The following ZNF85 variants were observed in gnomAD, a reference collection of about 807,000 sequenced individuals.
ZNF85 encodes zinc finger protein 85 (HPF4, HTF1).
ZNF85 carries 50 observed loss-of-function variants against 53.9 expected under a neutral mutation model. That is an observed-to-expected ratio of 0.93 (90% CI 0.74 to 1.17). The LOEUF (loss-of-function observed/expected upper bound fraction) is 1.17. Among genes scored for constraint, ZNF85 ranks in the 50% most tolerant of loss-of-function variants. The probability of loss-of-function intolerance (pLI) is 0.00; values close to 1 mark genes in which losing one functional copy is unlikely to be tolerated. For synonymous variants in ZNF85, 225 were observed against 226.1 expected (o/e 1.00, Z 0.04); for missense variants, 747 against 688.5 (o/e 1.08, Z -0.95).
Position 20,949,227 on chromosome 19 carries a change from C to G in ZNF85, c.713C>G (p.Ala238Gly). The G allele has an allele frequency of 6.2e-7, 1 of 1,613,114 alleles. No individual in the cohort carries two copies. The highest frequency in any genetic ancestry group is 8.5e-7 in the Non-Finnish European group (1 of 1,179,698). The change falls in exon 4 of 4, where the codon GCC (alanine) becomes GGC (glycine). Residue 238 changes from alanine (A) to glycine (G), a missense_variant. Coordinates refer to ENST00000328178, the MANE Select transcript of ZNF85 (RefSeq NM_003429.5). ...KPYKCEECGK[A>G]FNQSSNLIKH... ...TACAAATGTGAAGAATGTGGTAAAG[C>G]CTTTAACCAGTCCTCAAACCTTATT...
rs374939504 is a variant in ZNF85, at chr19:20,929,387, C to T, written c.4-4637C>T. The stretch of plus-strand genomic sequence containing the variant: ...TATTTTTAGTAGAGACAGGGCTTCA[C>T]CATCTTGGCCAGGTTGGTCTCAAAC... On this transcript the variant is annotated intron_variant, in intron 1 of 3. Coordinates refer to ENST00000328178, the MANE Select transcript of ZNF85 (RefSeq NM_003429.5). 2.0e-4 allele frequency among the ~76,000 whole-genome samples: 31 copies of T among 152,184 alleles called. 1 individual carries two copies. In the South Asian group the frequency reaches 6.4e-3, roughly 32 times the overall value.
At chr19:20,923,803 C>T (rs958628503) in intron 1 of ZNF85, among the ~76,000 whole-genome samples, 1 of 152,036 alleles carries the variant, frequency 6.6e-6, no homozygotes, top group African/African-American at 2.4e-5. Context: ...TATGGGGGGA[C>T]GGGCGTGGTG....
intron 3 of ZNF85, among the ~76,000 whole-genome samples, chr19:20,939,632 G>T (rs1973245916): frequency 2.0e-5 from 3 of 152,122 alleles, no homozygotes; most frequent in Non-Finnish European, 4.4e-5. Context: ...TTGCAATTCT[G>T]TATGTACACG....
chr19:20,941,224 T>G lies in ZNF85; in HGVS notation c.229+6177T>G, dbSNP rs1045788464. The stretch of plus-strand genomic sequence containing the variant: ...AGTGATTTTGTTTTTCATTGTTATT[T>G]TTATGCATTTCTCTACAAATTAGTA... On this transcript the variant is annotated intron_variant, in intron 3 of 3. Transcript: ENST00000328178. Among the ~76,000 whole-genome samples, 53 of 152,176 alleles carry G rather than the reference T, an allele frequency of 3.5e-4. 1 individual carries two copies. Among genetic ancestry groups the G allele is most frequent in the African/African-American group, 1.1e-3 (44 of 41,428 alleles).
chr19:20,943,025 C>A, intron 3 of ZNF85: 1 of 493,980 alleles, frequency 2.0e-6, no homozygotes, highest in Non-Finnish European at 3.5e-6. Context: ...ATCCTCCTAC[C>A]TTGGTCTCCC....
intron 3 of ZNF85, chr19:20,944,383 C>T (rs556923294): frequency 4.6e-5 from 7 of 151,472 alleles, no homozygotes; most frequent in Admixed American, 4.6e-4. Flanking sequence ...TTTTGTAGGA[C>T]TGTGGTAGGG....
At chr19:20,935,648 T>A (rs937310405) in intron 3 of ZNF85, among the ~76,000 whole-genome samples, 5 of 151,978 alleles carry the variant, frequency 3.3e-5, no homozygotes, top group Non-Finnish European at 7.4e-5. Context: ...CTGTAAAAGA[T>A]GCCACTAGAA....
chr19:20,937,376 T>C (rs1456484442), intron 3 of ZNF85: 1 of 456,258 alleles, frequency 2.2e-6, no homozygotes, highest in South Asian at 1.5e-5. Flanking sequence ...AGATCTTCTG[T>C]TGGGCCCCCA....
At chr19:20,932,620 C>T (rs1568547352) in intron 1 of ZNF85, among the ~76,000 whole-genome samples, 1 of 152,010 alleles carries the variant, frequency 6.6e-6, no homozygotes, top group East Asian at 1.9e-4. Context: ...TCCATTACCT[C>T]TGTGCAAAAC....
At chr19:20,928,912 C>T (rs1201126586) in intron 1 of ZNF85, among the ~76,000 whole-genome samples, 9 of 152,044 alleles carry the variant, frequency 5.9e-5, no homozygotes, top group African/African-American at 1.2e-4. Context: ...CAGGGGTACA[C>T]GTGCAGGTTT....
intron 3 of ZNF85, chr19:20,944,132 T>G (rs1406457922): frequency 6.0e-6 from 1 of 167,162 alleles, no homozygotes; most frequent in Non-Finnish European, 1.2e-5. Flanking sequence ...ATAAATAATT[T>G]TATGTGTTGA....
Position 20,949,644 on chromosome 19 carries a change from A to G in ZNF85, c.1130A>G (p.Lys377Arg). Residue 377 changes from lysine to arginine, a missense_variant, in exon 4 of 4, where the codon AAA becomes AGA. Coordinates refer to ENST00000328178, the MANE Select transcript of ZNF85 (RefSeq NM_003429.5). The stretch of plus-strand genomic sequence containing the variant: ...CCCTACAAATGTGAAAAATGTGGAA[A>G]AGCCTTTAATCATTTCTCACACCTT... ...EKPYKCEKCG[K>R]AFNHFSHLTT... is the part of the protein sequence containing the mutation. The G allele has an allele frequency of 6.2e-7, 1 of 1,613,200 alleles. No individual in the cohort carries two copies. Among genetic ancestry groups the G allele is most frequent in the East Asian group, 2.2e-5 (1 of 44,792 alleles).
intron 3 of ZNF85, among the ~76,000 whole-genome samples, chr19:20,947,797 G>T (rs189973929): frequency 6.6e-6 from 1 of 150,912 alleles, no homozygotes; most frequent in East Asian, 1.9e-4. Context: ...CACAATTTCT[G>T]TTTTTTGATA....
intron 3 of ZNF85, among the ~76,000 whole-genome samples, chr19:20,937,889 C>A (rs1973196431): frequency 6.6e-6 from 1 of 152,158 alleles, no homozygotes; most frequent in South Asian, 2.1e-4. Flanking sequence ...CTGGGTGGGC[C>A]ATTTCTTTGG....
At chr19:20,931,479 C>T (rs2144614794) in intron 1 of ZNF85, among the ~76,000 whole-genome samples, 1 of 152,178 alleles carries the variant, frequency 6.6e-6, no homozygotes, top group African/African-American at 2.4e-5. Context: ...AAGTTGAGGC[C>T]AGAATCAAGT....
chr19:20,937,942 G>T (rs1264780946), intron 3 of ZNF85, among the ~76,000 whole-genome samples: 9 of 152,196 alleles, frequency 5.9e-5, no homozygotes, highest in African/African-American at 2.2e-4. Flanking sequence ...CCACCTGAAT[G>T]AGGGCCTGCC....
In ZNF85 at chr19:20,949,829, T is replaced by C. The variant is rs1305301281; in HGVS notation, c.1315T>C (p.Ser439Pro). ...ATGTGAAAAAGCTTTTAACCAATCCTCAAAACTTACTGAACATAAGAAAAT... is the reference window on the plus strand; with the variant it reads ...ATGTGAAAAAGCTTTTAACCAATCCCCAAAACTTACTGAACATAAGAAAAT... ...KECEKAFNQS[S>P]KLTEHKKIHT... Residue 439 changes from serine to proline, a missense_variant, in exon 4 of 4, where the codon TCA becomes CCA. Physicochemically the swap from Ser to Pro is moderately conservative, Grantham distance 74. Transcript: ENST00000328178. 1 of 1,612,182 alleles carries C rather than the reference T, an allele frequency of 6.2e-7. No individual in the cohort carries two copies.
At chr19:20,933,221 A>G (rs1389815814) in intron 1 of ZNF85, among the ~76,000 whole-genome samples, 1 of 151,476 alleles carries the variant, frequency 6.6e-6, no homozygotes, top group Non-Finnish European at 1.5e-5. Flanking sequence ...AATTTGTCCT[A>G]GTGCAGTTCA....
chr19:20,949,830 C>T lies in ZNF85; in HGVS notation c.1316C>T (p.Ser439Leu), dbSNP rs775876637. The part of the protein sequence containing the change: ...KECEKAFNQS[S>L]KLTEHKKIHT... ...TGTGAAAAAGCTTTTAACCAATCCT[C>T]AAAACTTACTGAACATAAGAAAATT... The change falls in exon 4 of 4, where the codon TCA becomes TTA. Residue 439 changes from serine (S) to leucine (L), a missense_variant. By Grantham distance (145) the Ser-to-Leu change is moderately radical. Coordinates refer to ENST00000328178, the MANE Select transcript of ZNF85 (RefSeq NM_003429.5). The T allele has an allele frequency of 1.2e-6, 2 of 1,612,358 alleles. No homozygotes were observed. The highest frequency in any genetic ancestry group is 3.3e-5 in the Admixed American group (2 of 59,834).
Sources: gnomAD v4.1 joint callset for allele counts (sites outside exome capture counted in the v4.1 genomes callset) on GRCh38, gnomAD v4.1.1 for gene constraint, MANE v1.5 for transcripts, NCBI Gene and HGNC (gene_info 2026-07-23, HGNC 2026-07-21) for gene names.